STAG1: variants seen among roughly 807,000 people sequenced by gnomAD.
STAG1 encodes the protein cohesin subunit SA-1.
In STAG1, 26 loss-of-function variants were observed where a neutral mutation model predicts 170.9. The ratio of observed to expected loss-of-function variants is 0.15; its 90% CI spans 0.11 to 0.21. The LOEUF is 0.21. STAG1 is among the 10% of genes least tolerant of loss of function. The pLI, the probability that STAG1 is intolerant of heterozygous loss-of-function variation, is 1.00. For synonymous variants in STAG1, 514 were observed against 497.7 expected (o/e 1.03, Z -0.44); for missense variants, 964 against 1,509.5 (o/e 0.64, Z 5.99).
chr3:136,582,095 G>A (rs565488291), intron 4 of STAG1, among the ~76,000 whole-genome samples: 1 of 151,690 alleles, frequency 6.6e-6, no homozygotes, highest in African/African-American at 2.4e-5. Context: ...GTCACTAAGT[G>A]CTGACTATAT....
intron 21 of STAG1, among the ~76,000 whole-genome samples, chr3:136,409,622 T>G (rs930250094): frequency 6.6e-6 from 1 of 152,092 alleles, no homozygotes; most frequent in Non-Finnish European, 1.5e-5. Flanking sequence ...CAGCTGTGAG[T>G]CACTGTGCCC....
At chr3:136,376,999 G>A (rs1937633220) in intron 23 of STAG1, among the ~76,000 whole-genome samples, 1 of 150,666 alleles carries the variant, frequency 6.6e-6, no homozygotes, top group Non-Finnish European at 1.5e-5. Context: ...TGACAGTCTC[G>A]ATCTCTTGAC....
chr3:136,353,586 A>C (rs1936517392), intron 28 of STAG1, among the ~76,000 whole-genome samples: 3 of 152,222 alleles, frequency 2.0e-5, no homozygotes, highest in African/African-American at 4.8e-5. Context: ...GAAAGTAAAA[A>C]ACTATCAAAC....
intron 3 of STAG1, among the ~76,000 whole-genome samples, chr3:136,606,386 G>A (rs1339545725): frequency 2.0e-5 from 3 of 151,960 alleles, no homozygotes; most frequent in African/African-American, 4.8e-5. Context: ...ACAAGGTTTC[G>A]CCATGTTGGC....
intron 29 of STAG1, among the ~76,000 whole-genome samples, chr3:136,345,455 GTTTTTTTTT>G (rs34593330): frequency 8.1e-5 from 8 of 99,278 alleles, no homozygotes; most frequent in Non-Finnish European, 1.6e-4. Context: ...TTACCTAGTT[GTTTTTTTTT>G]TTTTTTTTTT....
chr3:136,369,938 G>A (rs1000791215), intron 23 of STAG1, among the ~76,000 whole-genome samples: 2 of 152,114 alleles, frequency 1.3e-5, no homozygotes, highest in African/African-American at 4.8e-5. Context: ...GTTGTTTGTG[G>A]TGATGCTGGT....
At chr3:136,466,871 T>A (rs932756748) in intron 12 of STAG1, among the ~76,000 whole-genome samples, 5 of 152,160 alleles carry the variant, frequency 3.3e-5, no homozygotes, top group Admixed American at 6.5e-5. Flanking sequence ...AGAAAAGAAT[T>A]TTCAACCCAG....
chr3:136,751,273 A>G (rs1298296048), intron 1 of STAG1, among the ~76,000 whole-genome samples: 1 of 151,782 alleles, frequency 6.6e-6, no homozygotes, highest in African/African-American at 2.4e-5. Flanking sequence ...GAATCGACAG[A>G]TAACATTTCA....
chr3:136,349,667 G>A (rs1936361351), intron 28 of STAG1, among the ~76,000 whole-genome samples: 1 of 152,106 alleles, frequency 6.6e-6, no homozygotes, highest in African/African-American at 2.4e-5. Flanking sequence ...CAGAAGTTTA[G>A]CTCAAAAAGA....
At chr3:136,406,925 T>C (rs952115465) in intron 21 of STAG1, among the ~76,000 whole-genome samples, 1 of 152,260 alleles carries the variant, frequency 6.6e-6, no homozygotes, top group Admixed American at 6.5e-5. Flanking sequence ...TGAAATTTTA[T>C]TGTCAAGCTT....
At chr3:136,586,795 A>T (rs1937852756) in intron 4 of STAG1, 1 of 455,846 alleles carries the variant, frequency 2.2e-6, no homozygotes, top group Admixed American at 2.4e-5. Flanking sequence ...TACATTACTT[A>T]GCTCACCTGA....
At chr3:136,618,045 GTTCTAAAT>G (rs1453415203) in intron 3 of STAG1, among the ~76,000 whole-genome samples, 1 of 152,102 alleles carries the variant, frequency 6.6e-6, no homozygotes, top group Non-Finnish European at 1.5e-5. Flanking sequence ...TTAGATATGA[GTTCTAAAT>G]TTCTTTTCAA....
intron 1 of STAG1, among the ~76,000 whole-genome samples, chr3:136,664,354 A>G (rs1314020263): frequency 6.6e-6 from 1 of 152,218 alleles, no homozygotes. Flanking sequence ...TCTAAACAAA[A>G]TGGGCAGGTC....
At chr3:136,544,400 G>A (rs1936052063) in intron 5 of STAG1, among the ~76,000 whole-genome samples, 1 of 152,086 alleles carries the variant, frequency 6.6e-6, no homozygotes, top group Non-Finnish European at 1.5e-5. Flanking sequence ...ACTGAAAGTA[G>A]ACAGAACTTT....
intron 13 of STAG1, among the ~76,000 whole-genome samples, chr3:136,457,507 C>A (rs1576484594): frequency 6.6e-6 from 1 of 152,174 alleles, no homozygotes; most frequent in African/African-American, 2.4e-5. Flanking sequence ...ATAGTGTGGG[C>A]TCCCAGAGCT....
intron 15 of STAG1, among the ~76,000 whole-genome samples, chr3:136,434,939 C>T (rs1318297748): frequency 2.0e-5 from 3 of 152,114 alleles, no homozygotes; most frequent in Non-Finnish European, 4.4e-5. Flanking sequence ...AGCCAGTTGT[C>T]TCCACCACTG....
intron 1 of STAG1, among the ~76,000 whole-genome samples, chr3:136,695,687 C>A (rs553461709): frequency 1.3e-5 from 2 of 149,150 alleles, no homozygotes; most frequent in Non-Finnish European, 3.0e-5. Flanking sequence ...TCCCCATACA[C>A]AGGAAGGGGA....
At chr3:136,445,402 T>C (rs2088749617) in intron 14 of STAG1, among the ~76,000 whole-genome samples, 1 of 152,162 alleles carries the variant, frequency 6.6e-6, no homozygotes, top group South Asian at 2.1e-4. Flanking sequence ...ATAAATTGTT[T>C]CAAAACTGTT....
At chr3:136,430,806 GACACACACACACACACACACACAC>G (rs35492621) in intron 16 of STAG1, among the ~76,000 whole-genome samples, 13 of 131,158 alleles carry the variant, frequency 9.9e-5, no homozygotes, top group East Asian at 4.8e-4. Context: ...GACATAGACA[GACACACACACACACACACACACAC>G]ACACACACAC....
Sources: allele counts gnomAD v4.1 joint callset (sites outside exome capture counted in the v4.1 genomes callset), GRCh38; gene constraint gnomAD v4.1.1; transcripts MANE v1.5; gene names NCBI Gene and HGNC (gene_info 2026-07-23, HGNC 2026-07-21).